Variants in PDE4D observed in about 807,000 individuals in gnomAD.
The protein encoded by PDE4D is 3',5'-cyclic-AMP phosphodiesterase 4D.
PDE4D carries 24 observed loss-of-function variants against 87.4 expected under a neutral mutation model. The observed-to-expected ratio is 0.27, with a 90% CI of 0.20 to 0.39. The LOEUF (loss-of-function observed/expected upper bound fraction) is 0.39. Ranked by LOEUF, PDE4D falls within the 10% of genes least tolerant of loss-of-function variation. PDE4D has a pLI of 1.00. For missense variants in PDE4D, 714 were observed against 1,041.0 expected, an observed-to-expected ratio of 0.69 and a Z score of 4.32; for synonymous variants, 384 against 383.2, an observed-to-expected ratio of 1.00 and a Z score of -0.02.
Position 59,357,893 on chromosome 5 carries a change from A to T in PDE4D, c.456-141925T>A, listed in dbSNP as rs116071027. 4.4e-3 allele frequency among the ~76,000 whole-genome samples: 673 copies of T among 152,296 alleles called. 4 individuals are homozygous for T. Among genetic ancestry groups the T allele is most frequent in the African/African-American group, 0.016 (653 of 41,560 alleles). ...AAACACTGCCCCGCGGGTGACCTCA[A>T]CTGTAAACCAAGGGAGAGCGCCACT... is the stretch of plus-strand genomic sequence containing the variant. On this transcript the variant is annotated intron_variant, in intron 1 of 14. Coordinates refer to ENST00000340635, the MANE Select transcript of PDE4D (RefSeq NM_001104631.2).
chr5:59,673,228 A>C (rs1368805110), intron 1 of PDE4D, among the ~76,000 whole-genome samples: 1 of 152,198 alleles, frequency 6.6e-6, no homozygotes. Flanking sequence ...AATGCAATTT[A>C]TCTTCTTGGT....
At chr5:60,280,341 C>CATAT (rs144691641) in intron 1 of PDE4D, among the ~76,000 whole-genome samples, 4 of 146,668 alleles carry the variant, frequency 2.7e-5, no homozygotes, top group African/African-American at 9.9e-5. Flanking sequence ...TATATACACA[C>CATAT]ATATATATAA....
intron 1 of PDE4D, among the ~76,000 whole-genome samples, chr5:60,505,360 TA>T (rs1750277239): frequency 6.6e-6 from 1 of 152,196 alleles, no homozygotes; most frequent in African/African-American, 2.4e-5. Context: ...CTTTGAGTTT[TA>T]AACATATAAT....
At chr5:60,377,804 T>C (rs1264345039) in intron 1 of PDE4D, among the ~76,000 whole-genome samples, 1 of 151,726 alleles carries the variant, frequency 6.6e-6, no homozygotes, top group Non-Finnish European at 1.5e-5. Context: ...TATATTCAAA[T>C]GGAAAAAAAA....
At chr5:59,439,838 A>C (rs1797330079) in intron 1 of PDE4D, among the ~76,000 whole-genome samples, 1 of 152,200 alleles carries the variant, frequency 6.6e-6, no homozygotes, top group Non-Finnish European at 1.5e-5. Flanking sequence ...AAAAGGGTAG[A>C]AAACACTCTG....
chr5:58,981,176 C>A (rs1745054469), intron 11 of PDE4D, among the ~76,000 whole-genome samples: 1 of 152,148 alleles, frequency 6.6e-6, no homozygotes, highest in South Asian at 2.1e-4. Context: ...GCTATCTGGG[C>A]ATCCCTTAGC....
chr5:59,967,978 T>G (rs1479855327), intron 3 of PDE4D, among the ~76,000 whole-genome samples: 13 of 55,754 alleles, frequency 2.3e-4, no homozygotes, highest in Admixed American at 6.3e-4. Flanking sequence ...CCATATGCTT[T>G]TTTTTTTTTT....
intron 1 of PDE4D, among the ~76,000 whole-genome samples, chr5:59,383,758 AT>A (rs1786392663): frequency 6.6e-6 from 1 of 152,210 alleles, no homozygotes; most frequent in Non-Finnish European, 1.5e-5. Flanking sequence ...ATCCATATGT[AT>A]ATTTGTTTAT....
intron 2 of PDE4D, among the ~76,000 whole-genome samples, chr5:59,200,090 T>C (rs1226293361): frequency 9.0e-5 from 13 of 144,858 alleles, no homozygotes; most frequent in Admixed American, 4.7e-4. Flanking sequence ...CATACATGTA[T>C]GTAGACATAC....
At chr5:59,151,561 G>A (rs2153460313) in intron 5 of PDE4D, among the ~76,000 whole-genome samples, 1 of 152,254 alleles carries the variant, frequency 6.6e-6, no homozygotes, top group Non-Finnish European at 1.5e-5. Context: ...CCTAATTTGT[G>A]AGCTCTCTGG....
chr5:59,996,847 A>G (rs1763567757), intron 2 of PDE4D, among the ~76,000 whole-genome samples: 1 of 152,196 alleles, frequency 6.6e-6, no homozygotes, highest in African/African-American at 2.4e-5. Flanking sequence ...TTTCTACCTC[A>G]GGTTAACACA....
chr5:59,697,676 G>T (rs962886510), intron 1 of PDE4D, among the ~76,000 whole-genome samples: 1 of 152,172 alleles, frequency 6.6e-6, no homozygotes, highest in South Asian at 2.1e-4. Context: ...GTCCAAACCT[G>T]TTCAGGATTT....
intron 1 of PDE4D, among the ~76,000 whole-genome samples, chr5:60,477,980 T>C (rs879434242): frequency 6.6e-6 from 1 of 152,206 alleles, no homozygotes; most frequent in Non-Finnish European, 1.5e-5. Flanking sequence ...CTTCCATGAT[T>C]ATCCTTTTAA....
At chr5:59,750,820 C>A (rs1760334063) in intron 1 of PDE4D, among the ~76,000 whole-genome samples, 1 of 151,874 alleles carries the variant, frequency 6.6e-6, no homozygotes, top group Admixed American at 6.6e-5. Context: ...CCTGTAGTCC[C>A]AGCTACCTGA....
chr5:59,961,273 A>G (rs141195187), intron 3 of PDE4D, among the ~76,000 whole-genome samples: 2 of 151,890 alleles, frequency 1.3e-5, no homozygotes, highest in African/African-American at 4.8e-5. Flanking sequence ...GTTTAAGATC[A>G]GAAAAAGAGA....
chr5:59,187,761 T>G (rs1249233802), intron 3 of PDE4D, among the ~76,000 whole-genome samples: 3 of 152,086 alleles, frequency 2.0e-5, no homozygotes, highest in Non-Finnish European at 4.4e-5. Flanking sequence ...GATTATTTAT[T>G]GTGTGTGTGT....
In PDE4D at chr5:59,030,348, C is replaced by T. The variant is rs150688998; in HGVS notation, c.921+8511G>A. Among the ~76,000 whole-genome samples the T allele has an allele frequency of 2.1e-4, 30 of 140,730 alleles. 2 individuals are homozygous for T. The East Asian group carries it at 5.3e-3, about 25-fold the overall frequency. The allele number at this position is 140,730 out of a possible 152,430, so 92.3% of individuals were successfully genotyped here. ...ACAACCAAATAGTAAGAAAACAAAT[C>T]GATTAAAATTAGACAAAGGATCTGA... On this transcript the variant is annotated intron_variant, in intron 6 of 14. Coordinates refer to ENST00000340635, the MANE Select transcript of PDE4D (RefSeq NM_001104631.2).
At chr5:60,171,249 T>C (rs1235582052) in intron 2 of PDE4D, among the ~76,000 whole-genome samples, 2 of 152,084 alleles carry the variant, frequency 1.3e-5, no homozygotes, top group South Asian at 2.1e-4. Flanking sequence ...CAATTGTTTT[T>C]GGAGACAGAG....
chr5:59,755,854 T>TG (rs985597201), intron 1 of PDE4D, among the ~76,000 whole-genome samples: 2 of 149,310 alleles, frequency 1.3e-5, no homozygotes, highest in South Asian at 2.1e-4. Flanking sequence ...TAGCCATGTA[T>TG]GAAAAAAAAA....
Sources: allele counts gnomAD v4.1 joint callset (sites outside exome capture counted in the v4.1 genomes callset), GRCh38; gene constraint gnomAD v4.1.1; transcripts MANE v1.5; gene names NCBI Gene and HGNC (gene_info 2026-07-23, HGNC 2026-07-21).